The following PRDX1 variants were observed in gnomAD, a reference collection of about 807,000 sequenced individuals.
The protein encoded by PRDX1 is peroxiredoxin 1, also known as peroxiredoxin-1.
Under a neutral mutation model 20.7 loss-of-function variants are expected in PRDX1, and 19 were observed. The observed-to-expected ratio is 0.92, with a 90% confidence interval of 0.64 to 1.35. The LOEUF (loss-of-function observed/expected upper bound fraction) is 1.35. PRDX1 is among the 40% of genes most tolerant of loss of function. The probability of loss-of-function intolerance (pLI) is 0.00; values close to 1 mark genes in which losing one functional copy is unlikely to be tolerated. For synonymous variants in PRDX1, 89 were observed against 83.9 expected (o/e 1.06, Z -0.33); for missense variants, 226 against 240.0 (o/e 0.94, Z 0.38).
At chr1:45,513,156 AAAT>A (rs1643787972) in intron 5 of PRDX1, 1 of 152,266 alleles carries the variant, frequency 6.6e-6, no homozygotes, top group East Asian at 1.9e-4. Context: ...ATAAATAAAT[AAAT>A]AAAAATATGA....
In PRDX1 at chr1:45,518,997, T is replaced by C. The variant is rs371164368; in HGVS notation, c.47A>G (p.Lys16Arg). 1.3e-5 allele frequency: 21 copies of C among 1,604,154 alleles called. No homozygotes were observed. Among genetic ancestry groups the C allele is most frequent in the Non-Finnish European group, 1.7e-5 (20 of 1,177,014 alleles). Residue 16 changes from lysine (K) to arginine (R), a missense_variant, in exon 2 of 6, where the codon AAA becomes AGA. Coordinates refer to ENST00000319248, the MANE Select transcript of PRDX1 (RefSeq NM_181697.3). ...AKIGHPAPNFKATAVMPDGQF... is the reference protein window; with the variant it reads ...AKIGHPAPNFRATAVMPDGQF... ...ACCATCTGGCATAACAGCTGTGGCT[T>C]TGAAGTTGGGGGCAGGGTGCCCAAT...
chr1:45,515,828 A>C, intron 2 of PRDX1, 21 bp from the exon 3 acceptor site: 1 of 1,540,810 alleles, frequency 6.5e-7, no homozygotes, highest in Non-Finnish European at 8.7e-7. Flanking sequence ...AATCGGAGTC[A>C]TGGTTAGCAT....
At chr1:45,519,804 G>C (rs1203132629) in intron 1 of PRDX1, among the ~76,000 whole-genome samples, 1 of 152,110 alleles carries the variant, frequency 6.6e-6, no homozygotes, top group African/African-American at 2.4e-5. Context: ...CTCCATGTTG[G>C]TCAGGCTAGT....
At position 45,511,174 on chromosome 1, in the gene PRDX1, G is replaced by T; in HGVS notation, c.*155C>A. ...ATTCCTACCAAAGGAAGAAAGGCTG[G>T]TCTCTCCACCCCCTGTAGGAAAGGC... On this transcript the variant is annotated 3_prime_UTR_variant, in exon 6 of 6. Transcript: ENST00000319248. 1.6e-6 allele frequency: 1 copy of T among 627,184 alleles called. No homozygotes were observed. The highest frequency in any genetic ancestry group is 2.7e-6 in the Non-Finnish European group (1 of 366,278). The allele number at this position is 627,184 out of a possible 1,614,324, so 38.9% of individuals were successfully genotyped here. A position where few individuals can be genotyped will look rare whatever the true frequency, so the allele number is the denominator to read the frequency against.
intron 3 of PRDX1, 96 bp from the exon 4 acceptor site, chr1:45,515,091 CAA>C: frequency 6.6e-7 from 1 of 1,517,302 alleles, no homozygotes. Context: ...TCTAACTTTC[CAA>C]AAAGACTGTT....
At position 45,515,007 on chromosome 1, in the gene PRDX1, G is replaced by A; in HGVS notation, c.261-12C>T. 6.2e-7 allele frequency: 1 copy of A among 1,613,716 alleles called. No individual in the cohort carries two copies. Among genetic ancestry groups the A allele is most frequent in the Non-Finnish European group, 8.5e-7 (1 of 1,179,860 alleles). ...TAGGTGTATTGACCCTATGGCAAAA[G>A]GCAAACATACAGTTACATTCAAACT... On this transcript the variant is annotated splice_polypyrimidine_tract_variant and intron_variant, in intron 3 of 5. Transcript: ENST00000319248.
At chr1:45,515,382 G>A (rs916502815) in intron 3 of PRDX1, among the ~76,000 whole-genome samples, 3 of 151,950 alleles carry the variant, frequency 2.0e-5, no homozygotes, top group Admixed American at 6.6e-5. Flanking sequence ...GGCAGATCAC[G>A]AGGTCAGGAG....
intron 5 of PRDX1, 63 bp from the exon 6 acceptor site, chr1:45,511,477 T>C (rs891935917): frequency 5.7e-6 from 8 of 1,397,730 alleles, no homozygotes; most frequent in Non-Finnish European, 8.0e-6. Flanking sequence ...CATTCTCCTA[T>C]GGACAAAACC....
In PRDX1 at chr1:45,511,225, G is replaced by T; in HGVS notation, c.*104C>A. On this transcript the variant is annotated 3_prime_UTR_variant, in exon 6 of 6. Transcript: ENST00000319248. ...CTGCCTTGTAAGACACCACAATTCG[G>T]CTGAATCTGAAGTCTTGTGTTTTAC... 2.0e-6 allele frequency: 2 copies of T among 980,002 alleles called. No individual in the cohort carries two copies. Among genetic ancestry groups the T allele is most frequent in the Non-Finnish European group, 3.0e-6 (2 of 659,034 alleles). 60.7% of individuals were successfully genotyped at this position (980,002 alleles called of 1,614,324 possible).
In PRDX1 at chr1:45,511,433, A is replaced by G. The variant is rs1397241707; in HGVS notation, c.515-19T>C. ...GGGCACACTGCAAGAGAAAGGCACC[A>G]CTAATTAATAACCTTCTCAATGGTA... On this transcript the variant is annotated intron_variant, in intron 5 of 5. Coordinates refer to ENST00000319248, the MANE Select transcript of PRDX1 (RefSeq NM_181697.3). 6.9e-6 allele frequency: 11 copies of G among 1,601,530 alleles called. No individual in the cohort carries two copies. The African/African-American group carries it at 1.1e-4, about 16-fold the overall frequency.
intron 3 of PRDX1, among the ~76,000 whole-genome samples, chr1:45,515,384 G>A (rs753991613): frequency 1.3e-5 from 2 of 152,054 alleles, no homozygotes; most frequent in Non-Finnish European, 2.9e-5. Flanking sequence ...CAGATCACGA[G>A]GTCAGGAGAT....
intron 1 of PRDX1, among the ~76,000 whole-genome samples, chr1:45,520,876 C>T (rs1421914406): frequency 6.6e-6 from 1 of 151,982 alleles, no homozygotes; most frequent in Non-Finnish European, 1.5e-5. Context: ...TGCACTCCAG[C>T]CTGGCCGACA....
intron 3 of PRDX1, among the ~76,000 whole-genome samples, chr1:45,515,424 A>C (rs1243804235): frequency 6.6e-6 from 1 of 151,822 alleles, no homozygotes; most frequent in Non-Finnish European, 1.5e-5. Context: ...ACGGTGAAAC[A>C]CCGTCTCTAC....
chr1:45,512,062 T>C (rs368574876), intron 5 of PRDX1: 6 of 140,066 alleles, frequency 4.3e-5, no homozygotes, highest in African/African-American at 1.6e-4. Context: ...ACTAATCTCT[T>C]ATTTTTCTTT....
At chr1:45,515,099 C>T in intron 3 of PRDX1, 104 bp from the exon 4 acceptor site, 1 of 1,507,690 alleles carries the variant, frequency 6.6e-7, no homozygotes. Context: ...TCCAAAAAGA[C>T]TGTTTTTTTT....
intron 2 of PRDX1, among the ~76,000 whole-genome samples, chr1:45,516,074 T>C (rs895446589): frequency 3.3e-5 from 5 of 152,238 alleles, no homozygotes; most frequent in African/African-American, 7.2e-5. Context: ...CTAATTTTGA[T>C]CTTTTCTGAG....
intron 2 of PRDX1, among the ~76,000 whole-genome samples, chr1:45,516,547 G>C (rs1445745210): frequency 1.3e-5 from 2 of 152,176 alleles, no homozygotes; most frequent in Non-Finnish European, 2.9e-5. Context: ...GTACTAGTGA[G>C]TAACAGAACT....
chr1:45,514,619 A>G lies in PRDX1; in HGVS notation c.402T>C (p.Asp134=). The change falls in exon 5 of 6, where the codon GAT becomes GAC. Residue 134 remains aspartate (D), a synonymous_variant. Transcript: ENST00000319248. ...GISFRGLFII[D]DKGILRQITV... The stretch of plus-strand genomic sequence containing the variant: ...TGATCTGCCGAAGAATACCCTTATC[A>G]TCAATGATAAAAAGGCCCCTGGGAA... 1 of 1,613,802 alleles carries G rather than the reference A, an allele frequency of 6.2e-7. No individual in the cohort carries two copies. Among genetic ancestry groups the G allele is most frequent in the Non-Finnish European group, 8.5e-7 (1 of 1,179,694 alleles).
At chr1:45,512,072 T>TC (rs1643760555) in intron 5 of PRDX1, 1 of 23,978 alleles carries the variant, frequency 4.2e-5, no homozygotes, top group Non-Finnish European at 8.0e-5. Context: ...TATTTTTCTT[T>TC]TTTTTTTTTT....
Sources: gnomAD v4.1 joint callset for allele counts (sites outside exome capture counted in the v4.1 genomes callset) on GRCh38, gnomAD v4.1.1 for gene constraint, MANE v1.5 for transcripts, NCBI Gene and HGNC (gene_info 2026-07-23, HGNC 2026-07-21) for gene names.